ACYP2: variants seen among roughly 807,000 people sequenced by gnomAD.
The protein encoded by ACYP2 is acylphosphatase 2.
Under a neutral mutation model 11.2 loss-of-function variants are expected in ACYP2, and 12 were observed. The ratio of observed to expected loss-of-function variants is 1.08; its 90% confidence interval spans 0.69 to 1.74. ACYP2 has a LOEUF of 1.74. ACYP2 is among the 40% of genes most tolerant of loss of function. The pLI is 0.00. For synonymous variants in ACYP2, 43 were observed against 32.2 expected, an observed-to-expected ratio of 1.33 and a Z score of -1.13; for missense variants, 134 against 101.9, an observed-to-expected ratio of 1.31 and a Z score of -1.35.
At chr2:54,013,867 C>T (rs1673533935) in intron 2 of ACYP2, among the ~76,000 whole-genome samples, 1 of 152,044 alleles carries the variant, frequency 6.6e-6, no homozygotes, top group Non-Finnish European at 1.5e-5. Context: ...GCTTAAGAAA[C>T]TCAGTGGAGG....
intron 6 of ACYP2, among the ~76,000 whole-genome samples, chr2:54,246,521 C>T (rs891344881): frequency 1.3e-5 from 2 of 152,130 alleles, no homozygotes; most frequent in Non-Finnish European, 2.9e-5. Context: ...CCCATTTCAT[C>T]TTCCAACTTT....
At chr2:54,155,379 A>C (rs1017719296) in intron 6 of ACYP2, among the ~76,000 whole-genome samples, 1 of 151,852 alleles carries the variant, frequency 6.6e-6, no homozygotes. Flanking sequence ...GTATAACATA[A>C]TATTATTTGT....
chr2:54,292,867 G>A (rs1412725420), intron 6 of ACYP2, among the ~76,000 whole-genome samples: 1 of 152,142 alleles, frequency 6.6e-6, no homozygotes, highest in African/African-American at 2.4e-5. Context: ...ATTCTGCAGA[G>A]TTGCTCCAAC....
At chr2:54,178,997 C>G (rs1683591026) in intron 6 of ACYP2, among the ~76,000 whole-genome samples, 1 of 152,082 alleles carries the variant, frequency 6.6e-6, no homozygotes. Context: ...GATCAAGGTG[C>G]CAGCAGATTC....
intron 2 of ACYP2, among the ~76,000 whole-genome samples, chr2:54,004,065 C>A (rs1672933992): frequency 6.6e-6 from 1 of 152,048 alleles, no homozygotes. Flanking sequence ...CTTACTGTAA[C>A]CTCTGCCTCC....
intron 6 of ACYP2, among the ~76,000 whole-genome samples, chr2:54,213,134 C>T (rs759608365): frequency 8.5e-5 from 13 of 152,212 alleles, no homozygotes; most frequent in Middle Eastern, 3.4e-3. Flanking sequence ...TTGTTCCCTT[C>T]TTTGTGTCCA....
At chr2:54,213,658 C>T (rs758901855) in intron 6 of ACYP2, among the ~76,000 whole-genome samples, 1 of 152,156 alleles carries the variant, frequency 6.6e-6, no homozygotes, top group Non-Finnish European at 1.5e-5. Flanking sequence ...TTTTGATATG[C>T]ATTTCTCTAA....
At chr2:54,244,138 C>T (rs1395390289) in intron 6 of ACYP2, among the ~76,000 whole-genome samples, 8 of 152,048 alleles carry the variant, frequency 5.3e-5, no homozygotes, top group African/African-American at 1.9e-4. Context: ...AACACCTCTC[C>T]AGTTTTCTCA....
intron 6 of ACYP2, among the ~76,000 whole-genome samples, chr2:54,201,159 G>A (rs1324533184): frequency 6.6e-6 from 1 of 150,844 alleles, no homozygotes; most frequent in Non-Finnish European, 1.5e-5. Context: ...AGGCTGGAGT[G>A]CAGAGGCGCA....
chr2:53,975,884 C>T (rs1238839150), intron 2 of ACYP2, among the ~76,000 whole-genome samples: 1 of 152,122 alleles, frequency 6.6e-6, no homozygotes, highest in African/African-American at 2.4e-5. Flanking sequence ...TGGAGGGAGA[C>T]ACTGACTTCT....
chr2:54,130,505 A>G (rs1165071147), intron 4 of ACYP2, among the ~76,000 whole-genome samples: 2 of 152,148 alleles, frequency 1.3e-5, no homozygotes, highest in Non-Finnish European at 2.9e-5. Flanking sequence ...TTTAGTTAAG[A>G]AAAGGAAACC....
chr2:54,190,741 C>T (rs577154483), intron 6 of ACYP2, among the ~76,000 whole-genome samples: 3 of 152,124 alleles, frequency 2.0e-5, no homozygotes, highest in African/African-American at 7.2e-5. Context: ...GGATATACCC[C>T]AGATGTTTAT....
intron 6 of ACYP2, among the ~76,000 whole-genome samples, chr2:54,183,877 C>T (rs1252046646): frequency 6.6e-6 from 1 of 152,008 alleles, no homozygotes; most frequent in Non-Finnish European, 1.5e-5. Context: ...AAGTGATCAT[C>T]TAGTTATCAA....
chr2:54,008,804 A>G (rs753130258), intron 2 of ACYP2, among the ~76,000 whole-genome samples: 20 of 152,290 alleles, frequency 1.3e-4, no homozygotes, highest in South Asian at 6.2e-4. Context: ...ATTCTCTGCT[A>G]GCAAGGTAGC....
chr2:54,047,977 A>G (rs1408648704), intron 2 of ACYP2, among the ~76,000 whole-genome samples: 1 of 152,188 alleles, frequency 6.6e-6, no homozygotes, highest in African/African-American at 2.4e-5. Context: ...GGCTGGTTCC[A>G]TGGTTGCAGG....
chr2:54,033,066 C>A (rs1039818600), intron 2 of ACYP2, among the ~76,000 whole-genome samples: 5 of 152,086 alleles, frequency 3.3e-5, no homozygotes, highest in Non-Finnish European at 5.9e-5. Flanking sequence ...AAGCCCAAGG[C>A]AAACTAATCA....
intron 6 of ACYP2, chr2:54,256,112 C>T (rs771011505): frequency 1.2e-6 from 2 of 1,613,986 alleles, no homozygotes; most frequent in South Asian, 2.2e-5. Flanking sequence ...AGAGCATAGT[C>T]GAGAGTAGCG....
chr2:54,051,713 C>CAA, intron 3 of ACYP2: 2 of 587,236 alleles, frequency 3.4e-6, no homozygotes. Flanking sequence ...CCTGATGCAG[C>CAA]AAAAAAAGGA....
At chr2:54,049,596 T>C (rs1675723311) in intron 2 of ACYP2, among the ~76,000 whole-genome samples, 1 of 152,230 alleles carries the variant, frequency 6.6e-6, no homozygotes, top group Admixed American at 6.5e-5. Flanking sequence ...TGGTTGCAAG[T>C]GTCAAATCAT....
Sources: gnomAD v4.1 joint callset for allele counts (sites outside exome capture counted in the v4.1 genomes callset) on GRCh38, gnomAD v4.1.1 for gene constraint, MANE v1.5 for transcripts, NCBI Gene and HGNC (gene_info 2026-07-23, HGNC 2026-07-21) for gene names.